The following CFAP418 variants were observed in gnomAD, a reference collection of about 807,000 sequenced individuals.
CFAP418 encodes the protein cilia- and flagella-associated protein 418.
A neutral mutation model predicts 24.7 loss-of-function variants in CFAP418; 27 were observed. The ratio of observed to expected loss-of-function variants is 1.09; its 90% CI spans 0.81 to 1.51. The LOEUF is 1.51. Ranked by LOEUF, CFAP418 falls within the 40% of genes most tolerant of loss-of-function variation. The probability of loss-of-function intolerance (pLI) is 0.00; values close to 1 mark genes in which losing one functional copy is unlikely to be tolerated. For missense variants in CFAP418, 257 were observed against 255.2 expected (o/e 1.01, Z -0.05); for synonymous variants, 74 against 87.3 (o/e 0.85, Z 0.85).
At chr8:95,262,426 G>A (rs1477350184) in intron 2 of CFAP418, among the ~76,000 whole-genome samples, 3 of 152,118 alleles carry the variant, frequency 2.0e-5, no homozygotes, top group Non-Finnish European at 4.4e-5. Flanking sequence ...CCATTACCTA[G>A]GTATTTTCAG....
rs1368463034 is a variant in CFAP418, at chr8:95,246,976, A to G, written c.*641T>C. 2 of 152,270 alleles carry G rather than the reference A, an allele frequency of 1.3e-5. No homozygotes were observed. Among genetic ancestry groups the G allele is most frequent in the African/African-American group, 4.8e-5 (2 of 41,474 alleles). 9.4% of individuals were successfully genotyped at this position (152,270 alleles called of 1,614,324 possible). ...AAATAGAAAATAACTTTTGATAGTT[A>G]AATGAACAAAAGAGGGAAAAATAAG... On this transcript the variant is annotated 3_prime_UTR_variant, in exon 6 of 6. Coordinates refer to ENST00000286688, the MANE Select transcript of CFAP418 (RefSeq NM_177965.4).
intron 2 of CFAP418, 21 bp from the exon 3 acceptor site, chr8:95,260,553 T>C: frequency 2.7e-6 from 4 of 1,482,160 alleles, no homozygotes; most frequent in Non-Finnish European, 3.7e-6. Context: ...AGCAAAACAA[T>C]AAAAGGCCAT....
intron 1 of CFAP418, among the ~76,000 whole-genome samples, chr8:95,266,949 A>C (rs76044088): frequency 0.017 from 2,533 of 152,304 alleles, 43 homozygotes; most frequent in Non-Finnish European, 0.019. Context: ...GCCCCTCCGC[A>C]TGCTAGTTCT....
intron 3 of CFAP418, 21 bp from the exon 4 acceptor site, chr8:95,259,926 CA>C: frequency 6.5e-7 from 1 of 1,539,604 alleles, no homozygotes; most frequent in Non-Finnish European, 8.7e-7. Flanking sequence ...TCAACAGATG[CA>C]AAAATATGAA....
chr8:95,256,614 G>T, intron 4 of CFAP418, among the ~76,000 whole-genome samples: 1 of 152,220 alleles, frequency 6.6e-6, no homozygotes, highest in East Asian at 1.9e-4. Flanking sequence ...CAGGCCACAG[G>T]AGTAATCATT....
At chr8:95,255,437 T>A (rs143620682) in intron 4 of CFAP418, among the ~76,000 whole-genome samples, 2,510 of 152,328 alleles carry the variant, frequency 0.016, 43 homozygotes, top group Non-Finnish European at 0.019. Flanking sequence ...TTTTTCATAT[T>A]GTGGTTTGAT....
intron 1 of CFAP418, among the ~76,000 whole-genome samples, chr8:95,265,013 A>G (rs1346969047): frequency 6.6e-6 from 1 of 152,180 alleles, no homozygotes; most frequent in Non-Finnish European, 1.5e-5. Context: ...TATATCCACG[A>G]TTTCTACTTC....
intron 5 of CFAP418, among the ~76,000 whole-genome samples, chr8:95,250,808 G>A (rs1811694443): frequency 6.6e-6 from 1 of 152,110 alleles, no homozygotes; most frequent in Admixed American, 6.5e-5. Context: ...TATTTGAATT[G>A]TATGTGTATG....
At chr8:95,267,960 T>C (rs948763104) in intron 1 of CFAP418, among the ~76,000 whole-genome samples, 3 of 152,080 alleles carry the variant, frequency 2.0e-5, no homozygotes, top group African/African-American at 7.2e-5. Context: ...GAAAAACGAC[T>C]GGTAAATTTG....
At chr8:95,268,865 G>A (rs1812076800) in intron 1 of CFAP418, 170 bp downstream of exon 1, 1 of 696,830 alleles carries the variant, frequency 1.4e-6, no homozygotes, top group Non-Finnish European at 2.4e-6. Context: ...CCGCGAAGAG[G>A]GTCGACGAAT....
intron 1 of CFAP418, among the ~76,000 whole-genome samples, chr8:95,266,190 T>C (rs2132166352): frequency 6.6e-6 from 1 of 152,316 alleles, no homozygotes; most frequent in East Asian, 1.9e-4. Flanking sequence ...ACAAAGCACT[T>C]AGCATACAGA....
chr8:95,249,415 C>A (rs1258278500), intron 5 of CFAP418, among the ~76,000 whole-genome samples: 5 of 152,194 alleles, frequency 3.3e-5, no homozygotes, highest in Non-Finnish European at 7.3e-5. Context: ...GTAATCCCTG[C>A]ACTTTGGGGA....
At chr8:95,252,739 T>C (rs920884765) in intron 4 of CFAP418, among the ~76,000 whole-genome samples, 5 of 152,238 alleles carry the variant, frequency 3.3e-5, no homozygotes, top group Non-Finnish European at 7.3e-5. Flanking sequence ...TGGGAAAAGA[T>C]TGTATTTGTT....
In CFAP418 at chr8:95,252,185, T is replaced by C. The variant is rs778295537; in HGVS notation, c.470+3A>G. 2.5e-6 allele frequency: 4 copies of C among 1,603,638 alleles called. No homozygotes were observed. In the African/African-American group the frequency reaches 4.0e-5, roughly 16 times the overall value. On this transcript the variant is annotated splice_donor_region_variant and intron_variant, in intron 5 of 5. Coordinates refer to ENST00000286688, the MANE Select transcript of CFAP418 (RefSeq NM_177965.4). ...TTCAGAGTGAAGTTCTTTAGCAACA[T>C]ACCTGAAAAACAGATAATCACACGA...
chr8:95,248,727 C>G (rs1296989847), intron 5 of CFAP418, among the ~76,000 whole-genome samples: 1 of 151,840 alleles, frequency 6.6e-6, no homozygotes, highest in East Asian at 1.9e-4. Flanking sequence ...TATAAACATT[C>G]CATGGCAAAG....
chr8:95,249,877 G>T (rs1436133276), intron 5 of CFAP418, among the ~76,000 whole-genome samples: 1 of 152,158 alleles, frequency 6.6e-6, no homozygotes, highest in Non-Finnish European at 1.5e-5. Context: ...CAGGTCGCCA[G>T]GTATGAAAGC....
At chr8:95,264,838 C>A (rs1295399019) in intron 1 of CFAP418, among the ~76,000 whole-genome samples, 1 of 152,128 alleles carries the variant, frequency 6.6e-6, no homozygotes, top group Non-Finnish European at 1.5e-5. Flanking sequence ...CCAGGCTTAG[C>A]CTCTTCAGTT....
At position 95,259,663 on chromosome 8, in the gene CFAP418, C is replaced by G. The variant is rs73266483; in HGVS notation, c.374+177G>C. On this transcript the variant is annotated intron_variant, in intron 4 of 5. Transcript: ENST00000286688. ...AAAATGAATAATATGTACCTAACAT[C>G]ACAGCTTTCAATAGCTATCTCCCAA... 7.5e-3 allele frequency among the ~76,000 whole-genome samples: 1,137 copies of G among 152,198 alleles called. 21 individuals carry two copies. The highest frequency in any genetic ancestry group is 0.026 in the African/African-American group (1,077 of 41,498).
At chr8:95,259,699 C>T in intron 4 of CFAP418, 141 bp downstream of exon 4, 1 of 693,142 alleles carries the variant, frequency 1.4e-6, no homozygotes, top group Non-Finnish European at 2.5e-6. Context: ...GAATAAAAAA[C>T]AAAGAATTCT....
Sources: gnomAD v4.1 joint callset for allele counts (sites outside exome capture counted in the v4.1 genomes callset) on GRCh38, gnomAD v4.1.1 for gene constraint, MANE v1.5 for transcripts, NCBI Gene and HGNC (gene_info 2026-07-23, HGNC 2026-07-21) for gene names.